The following PTPRT variants were observed in gnomAD, a reference collection of about 807,000 sequenced individuals.
PTPRT encodes protein tyrosine phosphatase receptor type T, also known as receptor-type tyrosine-protein phosphatase T.
PTPRT carries 56 observed loss-of-function variants against 176.8 expected under a neutral mutation model. The ratio of observed to expected loss-of-function variants is 0.32; its 90% confidence interval spans 0.26 to 0.40. The LOEUF (loss-of-function observed/expected upper bound fraction) is 0.40, where lower values mean the gene tolerates loss of function less well. Among genes scored for constraint, PTPRT ranks in the 10% least tolerant of loss-of-function variants. The pLI, the probability that PTPRT is intolerant of heterozygous loss-of-function variation, is 1.00. For synonymous variants in PTPRT, 783 were observed against 739.0 expected (o/e 1.06, Z -0.96); for missense variants, 1,540 against 1,908.2 (o/e 0.81, Z 3.60).
At chr20:42,638,357 C>T (rs1246537279) in intron 7 of PTPRT, among the ~76,000 whole-genome samples, 1 of 151,936 alleles carries the variant, frequency 6.6e-6, no homozygotes, top group East Asian at 1.9e-4. Flanking sequence ...CCTGAGCGGT[C>T]GAAACATAAA....
chr20:42,118,199 G>A (rs1987393926), intron 21 of PTPRT, among the ~76,000 whole-genome samples: 1 of 152,222 alleles, frequency 6.6e-6, no homozygotes, highest in Non-Finnish European at 1.5e-5. Context: ...TCAACGGAGA[G>A]TGAGGGTGTA....
intron 1 of PTPRT, among the ~76,000 whole-genome samples, chr20:42,961,931 G>A (rs1982005250): frequency 6.6e-6 from 1 of 152,168 alleles, no homozygotes; most frequent in Non-Finnish European, 1.5e-5. Flanking sequence ...CTGGAATGAC[G>A]CAAGGCCATG....
chr20:43,057,427 AAG>A (rs1472136379), intron 1 of PTPRT, among the ~76,000 whole-genome samples: 1 of 148,812 alleles, frequency 6.7e-6, no homozygotes, highest in East Asian at 2.0e-4. Context: ...AGGGGAGGGG[AAG>A]AGAGGGGAGG....
chr20:42,203,049 T>C (rs1298045066), intron 15 of PTPRT, among the ~76,000 whole-genome samples: 1 of 152,248 alleles, frequency 6.6e-6, no homozygotes, highest in Non-Finnish European at 1.5e-5. Flanking sequence ...TCCTTAGTAT[T>C]TAAAGCTGAT....
intron 11 of PTPRT, among the ~76,000 whole-genome samples, chr20:42,327,132 A>C (rs2057895485): frequency 6.6e-6 from 1 of 151,642 alleles, no homozygotes; most frequent in African/African-American, 2.4e-5. Context: ...AGAGAGAAAC[A>C]TATAATTTTA....
At chr20:42,607,789 G>A (rs1447046152) in intron 7 of PTPRT, among the ~76,000 whole-genome samples, 2 of 152,148 alleles carry the variant, frequency 1.3e-5, no homozygotes, top group African/African-American at 4.8e-5. Context: ...AGCAGGCAGA[G>A]GGACCTGTGG....
chr20:42,597,283 C>T (rs1280221016), intron 7 of PTPRT, among the ~76,000 whole-genome samples: 1 of 152,186 alleles, frequency 6.6e-6, no homozygotes, highest in Non-Finnish European at 1.5e-5. Flanking sequence ...TGATTAAAGT[C>T]ATCTGATTAG....
At chr20:42,223,482 GC>G (rs2055933527) in intron 15 of PTPRT, among the ~76,000 whole-genome samples, 1 of 152,162 alleles carries the variant, frequency 6.6e-6, no homozygotes, top group African/African-American at 2.4e-5. Context: ...ACCATTCAGA[GC>G]TAAGGCAAAA....
intron 1 of PTPRT, among the ~76,000 whole-genome samples, chr20:43,151,549 A>G (rs1032965455): frequency 2.6e-5 from 4 of 151,964 alleles, no homozygotes; most frequent in Non-Finnish European, 5.9e-5. Context: ...TTCCCTCCAT[A>G]GGTACATCAA....
intron 1 of PTPRT, among the ~76,000 whole-genome samples, chr20:43,017,363 G>A (rs139015118): frequency 2.8e-3 from 426 of 151,978 alleles, no homozygotes; most frequent in Non-Finnish European, 4.9e-3. Context: ...ATTCCTCTCT[G>A]TTTACCCTCA....
intron 17 of PTPRT, among the ~76,000 whole-genome samples, chr20:42,159,805 G>A (rs1343320823): frequency 6.6e-6 from 1 of 152,030 alleles, no homozygotes; most frequent in African/African-American, 2.4e-5. Flanking sequence ...CTCTCATAAA[G>A]TTTTAGGACC....
intron 2 of PTPRT, among the ~76,000 whole-genome samples, chr20:42,846,456 G>A (rs1038151181): frequency 5.9e-5 from 9 of 152,120 alleles, no homozygotes; most frequent in East Asian, 3.9e-4. Flanking sequence ...CCAGATGTTC[G>A]CCATGGCTGT....
intron 3 of PTPRT, 140 bp from the exon 4 acceptor site, chr20:42,780,439 T>C: frequency 3.5e-6 from 2 of 574,602 alleles, no homozygotes; most frequent in Non-Finnish European, 6.2e-6. Flanking sequence ...GACAGCACGC[T>C]ACCCTGGCAA....
At chr20:42,208,404 C>T (rs1057113482) in intron 15 of PTPRT, among the ~76,000 whole-genome samples, 5 of 151,582 alleles carry the variant, frequency 3.3e-5, no homozygotes, top group Admixed American at 2.0e-4. Flanking sequence ...ACCCATCTCA[C>T]GTGCAGAGAC....
Position 42,096,756 on chromosome 20 carries a change from ATTTTT to A in PTPRT, c.3846+1660_3846+1664del, listed in dbSNP as rs58111170. 1.1e-3 allele frequency among the ~76,000 whole-genome samples: 131 copies of A among 118,860 alleles called. 1 individual carries two copies. The highest frequency in any genetic ancestry group is 4.7e-3 in the Middle Eastern group (1 of 212). The allele number at this position is 118,860 out of a possible 152,430, so 78.0% of individuals were successfully genotyped here. A position where few individuals can be genotyped will look rare whatever the true frequency, so the allele number is the denominator to read the frequency against. ...ATGGCACCATGCCTGGCTAATTAAA[ATTTTT>A]TTTTTTTTTTTTTTTTTTTGTAGAG... On this transcript the variant is annotated intron_variant, in intron 27 of 30. Coordinates refer to ENST00000373187, the MANE Select transcript of PTPRT (RefSeq NM_007050.6).
chr20:42,060,258 A>G, the PTPRT span, among the ~76,000 whole-genome samples: 1 of 152,174 alleles, frequency 6.6e-6, no homozygotes, highest in African/African-American at 2.4e-5. Flanking sequence ...ATTGGACTGG[A>G]TATCAAAAAG....
intron 9 of PTPRT, among the ~76,000 whole-genome samples, chr20:42,408,147 C>T (rs1277868430): frequency 6.6e-6 from 1 of 151,968 alleles, no homozygotes; most frequent in Non-Finnish European, 1.5e-5. Flanking sequence ...AATTAACTAC[C>T]AAACTATTTT....
In PTPRT at chr20:42,106,933, G is replaced by A. The variant is rs193048651; in HGVS notation, c.3255-12C>T. The A allele has an allele frequency of 6.2e-7, 1 of 1,613,598 alleles. No individual in the cohort carries two copies. Among genetic ancestry groups the A allele is most frequent in the Non-Finnish European group, 8.5e-7 (1 of 1,179,726 alleles). ...GCCCAGCCCCAGCACTGGAAGAGAG[G>A]TATGGTCTGTGTTAAGGATCTTCAT... On this transcript the variant is annotated splice_polypyrimidine_tract_variant and intron_variant, in intron 23 of 30. Coordinates refer to ENST00000373187, the MANE Select transcript of PTPRT (RefSeq NM_007050.6).
intron 1 of PTPRT, among the ~76,000 whole-genome samples, chr20:42,938,687 T>C (rs1345785138): frequency 2.0e-5 from 3 of 152,154 alleles, no homozygotes; most frequent in Admixed American, 2.0e-4. Context: ...CCCCCATGCT[T>C]GCTAGAGAGT....
Sources: gnomAD v4.1 joint callset for allele counts (sites outside exome capture counted in the v4.1 genomes callset) on GRCh38, gnomAD v4.1.1 for gene constraint, MANE v1.5 for transcripts, NCBI Gene and HGNC (gene_info 2026-07-23, HGNC 2026-07-21) for gene names.